RABGAP1: variants seen among roughly 807,000 people sequenced by gnomAD.
RABGAP1 encodes the protein RAB GTPase activating protein 1, also known as rab GTPase-activating protein 1.
Under a neutral mutation model 137.6 loss-of-function variants are expected in RABGAP1, and 23 were observed. That is an observed-to-expected ratio of 0.17 (90% CI 0.12 to 0.24). The LOEUF (loss-of-function observed/expected upper bound fraction) is 0.24. Ranked by LOEUF, RABGAP1 falls within the 10% of genes least tolerant of loss-of-function variation. The pLI is 1.00. For missense variants in RABGAP1, 906 were observed against 1,275.8 expected (o/e 0.71, Z 4.42); for synonymous variants, 451 against 450.7 (o/e 1.00, Z -0.01).
intron 2 of RABGAP1, among the ~76,000 whole-genome samples, chr9:122,981,877 C>T (rs756109507): frequency 5.3e-5 from 8 of 151,984 alleles, no homozygotes; most frequent in Non-Finnish European, 1.0e-4. Flanking sequence ...GGCAAAACGC[C>T]GTCTCTACTA....
intron 21 of RABGAP1, among the ~76,000 whole-genome samples, chr9:123,095,548 G>C (rs908751191): frequency 3.9e-5 from 6 of 152,156 alleles, no homozygotes; most frequent in Non-Finnish European, 7.4e-5. Flanking sequence ...AAAAATTTTT[G>C]AAAAATAGCT....
chr9:123,065,740 A>G (rs1186932945), intron 14 of RABGAP1: 2 of 390,622 alleles, frequency 5.1e-6, no homozygotes, highest in Admixed American at 3.8e-5. Context: ...ATTTGTTTTT[A>G]TGTTAAGAAC....
the RABGAP1 span, among the ~76,000 whole-genome samples, chr9:122,934,960 T>C: frequency 6.6e-6 from 1 of 152,240 alleles, no homozygotes; most frequent in Non-Finnish European, 1.5e-5. Context: ...TTTCTGTCTT[T>C]AGATTGGAGA....
At chr9:122,971,664 G>A (rs1835478330) in intron 2 of RABGAP1, 2 of 152,148 alleles carry the variant, frequency 1.3e-5, no homozygotes, top group African/African-American at 2.4e-5. Flanking sequence ...ATTAAATTTA[G>A]AGCCAGTGAA....
At chr9:122,995,667 C>G (rs1031148278) in intron 6 of RABGAP1, among the ~76,000 whole-genome samples, 1 of 144,146 alleles carries the variant, frequency 6.9e-6, no homozygotes, top group Non-Finnish European at 1.5e-5. Context: ...CTCCCTGGTT[C>G]AAGCGATTCT....
chr9:122,941,294 G>A (rs1833545874), intron 1 of RABGAP1, among the ~76,000 whole-genome samples: 1 of 152,236 alleles, frequency 6.6e-6, no homozygotes, highest in Non-Finnish European at 1.5e-5. Flanking sequence ...ACGGAGGGGA[G>A]AGGGCGCATG....
At chr9:122,952,476 G>A (rs1834306713) in intron 1 of RABGAP1, among the ~76,000 whole-genome samples, 1 of 151,926 alleles carries the variant, frequency 6.6e-6, no homozygotes, top group South Asian at 2.1e-4. Flanking sequence ...CACCGTGTTA[G>A]CCAGGATGGT....
In RABGAP1 at chr9:122,990,166, C is replaced by T. The variant is rs1211445900; in HGVS notation, c.876C>T (p.Phe292=). Residue 292 remains phenylalanine, a synonymous_variant, in exon 6 of 26, where the codon TTC becomes TTT. Coordinates refer to ENST00000373647, the MANE Select transcript of RABGAP1 (RefSeq NM_012197.4). ...CTCCTGACAGTGACATCTTTACCTTCTCTGTGTCTTTAGAAATAAAAGAAG... is the reference window on the plus strand; with the variant it reads ...CTCCTGACAGTGACATCTTTACCTTTTCTGTGTCTTTAGAAATAAAAGAAG... ...PQTPDSDIFT[F]SVSLEIKEDD... The T allele has an allele frequency of 1.3e-5, 21 of 1,611,526 alleles. No homozygotes were observed. The highest frequency in any genetic ancestry group is 1.7e-5 in the Admixed American group (1 of 59,926).
intron 21 of RABGAP1, among the ~76,000 whole-genome samples, chr9:123,096,743 T>C (rs1382173155): frequency 1.3e-5 from 2 of 152,062 alleles, no homozygotes; most frequent in Admixed American, 1.3e-4. Flanking sequence ...TAATTTTTTG[T>C]ATATTTTTAG....
At chr9:122,960,157 G>A (rs1834773480) in intron 2 of RABGAP1, among the ~76,000 whole-genome samples, 1 of 152,216 alleles carries the variant, frequency 6.6e-6, no homozygotes, top group Admixed American at 6.5e-5. Flanking sequence ...GTGCTCATTT[G>A]CCTGAGGAAA....
chr9:123,099,405 A>G, intron 23 of RABGAP1, 73 bp from the exon 24 acceptor site: 3 of 1,372,302 alleles, frequency 2.2e-6, no homozygotes, highest in Non-Finnish European at 3.1e-6. Flanking sequence ...TACATATTCC[A>G]GCTTCCACTA....
rs761113652 is a variant in RABGAP1, at chr9:122,989,471, T to C, written c.765T>C (p.Ala255=). ...IHVFRCEIQE[A]VSRILYSFAT... ...TCTTCCGGTGTGAAATACAAGAAGC[T>C]GTAAGTCCTCAAGAGAAAACTCTCT... Residue 255 remains alanine (A), a splice_region_variant and synonymous_variant, in exon 5 of 26, where the codon GCT becomes GCC. Transcript: ENST00000373647. The C allele has an allele frequency of 2.5e-6, 4 of 1,613,728 alleles. No individual in the cohort carries two copies. Among genetic ancestry groups the C allele is most frequent in the Non-Finnish European group, 3.4e-6 (4 of 1,179,932 alleles).
intron 13 of RABGAP1, among the ~76,000 whole-genome samples, chr9:123,026,753 C>T (rs1274904987): frequency 1.3e-5 from 2 of 152,184 alleles, no homozygotes; most frequent in Non-Finnish European, 2.9e-5. Flanking sequence ...GAAACAAAGG[C>T]ACTTTCTTGT....
intron 13 of RABGAP1, among the ~76,000 whole-genome samples, chr9:123,032,873 T>C (rs2032380833): frequency 2.0e-5 from 3 of 152,238 alleles, no homozygotes; most frequent in Non-Finnish European, 4.4e-5. Context: ...CAAAGGCTTA[T>C]TTGTACCATG....
At chr9:123,010,889 T>C (rs2030747101) in intron 11 of RABGAP1, among the ~76,000 whole-genome samples, 1 of 152,180 alleles carries the variant, frequency 6.6e-6, no homozygotes, top group South Asian at 2.1e-4. Context: ...AAATTCACTG[T>C]GCCAAAATGT....
At chr9:122,943,144 G>A (rs1011610983) in intron 1 of RABGAP1, among the ~76,000 whole-genome samples, 6 of 129,478 alleles carry the variant, frequency 4.6e-5, no homozygotes, top group African/African-American at 1.6e-4. Context: ...GAGTGATCTT[G>A]GCTCACTGCA....
chr9:123,015,622 A>T lies in RABGAP1; in HGVS notation c.1629A>T (p.Glu543Asp). The T allele has an allele frequency of 6.2e-7, 1 of 1,607,952 alleles. No individual in the cohort carries two copies. Among genetic ancestry groups the T allele is most frequent in the Non-Finnish European group, 8.5e-7 (1 of 1,174,960 alleles). The change falls in exon 12 of 26, where the codon GAA (glutamate) becomes GAT (aspartate). Residue 543 changes from glutamate (E) to aspartate (D), a missense_variant. Transcript: ENST00000373647. ...CAEKILETWG[E>D]LLSKWHLNLN... ...AAAAAATTCTTGAAACATGGGGAGA[A>T]CTGTTGTCAAAATGGTAAGTTATGA...
chr9:122,983,574 A>G (rs1204635644), intron 2 of RABGAP1, among the ~76,000 whole-genome samples: 2 of 152,142 alleles, frequency 1.3e-5, no homozygotes, highest in Non-Finnish European at 2.9e-5. Flanking sequence ...GCTTCCTAGC[A>G]TCTGTGTTAA....
chr9:123,024,940 A>T (rs1283669501), intron 13 of RABGAP1, among the ~76,000 whole-genome samples: 1 of 152,224 alleles, frequency 6.6e-6, no homozygotes, highest in Non-Finnish European at 1.5e-5. Context: ...TTTATGCCAT[A>T]CAAGACATTT....
Sources: allele counts gnomAD v4.1 joint callset (sites outside exome capture counted in the v4.1 genomes callset), GRCh38; gene constraint gnomAD v4.1.1; transcripts MANE v1.5; gene names NCBI Gene and HGNC (gene_info 2026-07-23, HGNC 2026-07-21).